ATP8A1: variants seen among roughly 807,000 people sequenced by gnomAD.
ATP8A1 encodes ATPase phospholipid transporting 8A1, also known as phospholipid-transporting ATPase IA.
ATP8A1 carries 90 observed loss-of-function variants against 177.7 expected under a neutral mutation model. That is an observed-to-expected ratio of 0.51 (90% CI 0.43 to 0.60). The LOEUF (loss-of-function observed/expected upper bound fraction) is 0.60. ATP8A1 is among the 20% of genes least tolerant of loss of function. ATP8A1 has a pLI of 0.00. For synonymous variants in ATP8A1, 493 were observed against 485.9 expected, an observed-to-expected ratio of 1.01 and a Z score of -0.19; for missense variants, 1,072 against 1,392.8, an observed-to-expected ratio of 0.77 and a Z score of 3.67.
intron 6 of ATP8A1, among the ~76,000 whole-genome samples, 200 bp from the exon 7 acceptor site, chr4:42,591,084 T>G (rs1734127075): frequency 1.3e-5 from 2 of 152,170 alleles, no homozygotes; most frequent in Non-Finnish European, 2.9e-5. Flanking sequence ...ATTTAATATT[T>G]GAGGGTTATT....
chr4:42,435,301 C>G (rs188744637), intron 33 of ATP8A1, among the ~76,000 whole-genome samples: 192 of 152,096 alleles, frequency 1.3e-3, no homozygotes, highest in Non-Finnish European at 2.4e-3. Context: ...TGGCGGGCAC[C>G]TGTAATCCCA....
At chr4:42,610,900 G>A (rs1220145890) in intron 5 of ATP8A1, among the ~76,000 whole-genome samples, 1 of 152,102 alleles carries the variant, frequency 6.6e-6, no homozygotes, top group Non-Finnish European at 1.5e-5. Flanking sequence ...CAGATGTGGG[G>A]GTACCTCCAG....
intron 5 of ATP8A1, among the ~76,000 whole-genome samples, chr4:42,614,349 T>C (rs1233921837): frequency 6.6e-6 from 1 of 152,244 alleles, no homozygotes; most frequent in Admixed American, 6.5e-5. Context: ...AGATACATTA[T>C]GGGTTGGAAA....
At chr4:42,465,101 T>TA (rs1341049483) in intron 25 of ATP8A1, 25 bp from the exon 26 acceptor site, 1 of 1,587,480 alleles carries the variant, frequency 6.3e-7, no homozygotes, top group Non-Finnish European at 8.6e-7. Flanking sequence ...CATTATCAAT[T>TA]ACTGTTTTCT....
At chr4:42,551,135 A>G (rs1729459370) in intron 18 of ATP8A1, 63 bp downstream of exon 18, 4 of 1,352,362 alleles carry the variant, frequency 3.0e-6, no homozygotes, top group South Asian at 1.2e-5. Flanking sequence ...GTATTACTTT[A>G]TCTTTGAAGC....
chr4:42,552,168 C>T (rs1729565713), intron 17 of ATP8A1, among the ~76,000 whole-genome samples: 1 of 152,094 alleles, frequency 6.6e-6, no homozygotes, highest in Non-Finnish European at 1.5e-5. Context: ...CCTATTTGTA[C>T]CTGTGCAAAA....
At chr4:42,597,248 G>A (rs1012449397) in intron 6 of ATP8A1, among the ~76,000 whole-genome samples, 13 of 152,142 alleles carry the variant, frequency 8.5e-5, no homozygotes. Context: ...GCATGTAGAC[G>A]ACACTCTTGG....
chr4:42,557,098 G>C (rs1730316206), intron 15 of ATP8A1, among the ~76,000 whole-genome samples: 1 of 152,146 alleles, frequency 6.6e-6, no homozygotes, highest in South Asian at 2.1e-4. Context: ...GTAAACTTAA[G>C]GAGGAAGTTA....
chr4:42,601,600 A>C (rs1294652984), intron 5 of ATP8A1, among the ~76,000 whole-genome samples: 1 of 152,186 alleles, frequency 6.6e-6, no homozygotes, highest in Admixed American at 6.5e-5. Flanking sequence ...GGTAGCCGGC[A>C]CAGCACTTAG....
In ATP8A1 at chr4:42,496,801, T is replaced by C. The variant is rs1187765553; in HGVS notation, c.2151+6649A>G. ...ATACACATACACATATATGCACATA[T>C]ACCCCCCCCCACACATATATACGTA... is the stretch of plus-strand genomic sequence containing the variant. On this transcript the variant is annotated intron_variant, in intron 24 of 36. Transcript: ENST00000381668. 6.1e-5 allele frequency among the ~76,000 whole-genome samples: 5 copies of C among 82,384 alleles called. No homozygotes were observed. The South Asian group carries it at 2.3e-3, about 38-fold the overall frequency. 54.0% of individuals were successfully genotyped at this position (82,384 alleles called of 152,430 possible).
intron 23 of ATP8A1, among the ~76,000 whole-genome samples, chr4:42,506,623 TA>T (rs1560400821): frequency 6.6e-6 from 1 of 152,128 alleles, no homozygotes; most frequent in Non-Finnish European, 1.5e-5. Context: ...TGTGTGAAAA[TA>T]AATTTCTGTT....
intron 25 of ATP8A1, among the ~76,000 whole-genome samples, chr4:42,474,003 T>G (rs1280161529): frequency 6.6e-6 from 1 of 152,172 alleles, no homozygotes; most frequent in African/African-American, 2.4e-5. Context: ...CTCTGCCTCA[T>G]GACCTTCCTA....
At chr4:42,497,037 G>T (rs1267525729) in intron 24 of ATP8A1, among the ~76,000 whole-genome samples, 2 of 152,174 alleles carry the variant, frequency 1.3e-5, no homozygotes, top group Non-Finnish European at 2.9e-5. Flanking sequence ...GTTGGATGGA[G>T]AATGAAAATG....
At chr4:42,476,932 T>C (rs1397968226) in intron 25 of ATP8A1, among the ~76,000 whole-genome samples, 1 of 152,220 alleles carries the variant, frequency 6.6e-6, no homozygotes, top group Non-Finnish European at 1.5e-5. Flanking sequence ...CTTTTCTTCA[T>C]AGCAATATTA....
intron 33 of ATP8A1, among the ~76,000 whole-genome samples, chr4:42,431,157 T>C (rs78198519): frequency 0.045 from 6,871 of 152,278 alleles, 201 homozygotes; most frequent in South Asian, 0.061. Context: ...ACGACTAAGT[T>C]ACTAAGTTAT....
At chr4:42,503,825 CA>C (rs1440253275) in intron 23 of ATP8A1, among the ~76,000 whole-genome samples, 1 of 152,188 alleles carries the variant, frequency 6.6e-6, no homozygotes, top group Non-Finnish European at 1.5e-5. Context: ...ACATGAAGAG[CA>C]AAAGACAGGC....
intron 1 of ATP8A1, among the ~76,000 whole-genome samples, chr4:42,640,538 C>A (rs907098379): frequency 4.6e-5 from 7 of 152,122 alleles, no homozygotes; most frequent in Non-Finnish European, 8.8e-5. Context: ...TCTTTCTTTT[C>A]AAAAATAGAA....
intron 31 of ATP8A1, among the ~76,000 whole-genome samples, chr4:42,445,816 A>G (rs1475158931): frequency 6.6e-6 from 1 of 152,206 alleles, no homozygotes; most frequent in Non-Finnish European, 1.5e-5. Flanking sequence ...GTGGTGGCTC[A>G]TGCCTTTAAT....
chr4:42,522,727 C>G (rs943591294), intron 21 of ATP8A1, among the ~76,000 whole-genome samples: 3 of 152,168 alleles, frequency 2.0e-5, no homozygotes, highest in Non-Finnish European at 4.4e-5. Flanking sequence ...AACTTTTTCT[C>G]CATTCTGCTT....
Sources: allele counts gnomAD v4.1 joint callset (sites outside exome capture counted in the v4.1 genomes callset), GRCh38; gene constraint gnomAD v4.1.1; transcripts MANE v1.5; gene names NCBI Gene and HGNC (gene_info 2026-07-23, HGNC 2026-07-21).